XKR4: variants seen among roughly 807,000 people sequenced by gnomAD.
XKR4 encodes XK-related protein 4.
A neutral mutation model predicts 53.9 loss-of-function variants in XKR4; 12 were observed. The observed-to-expected ratio is 0.22, with a 90% CI of 0.14 to 0.36. The LOEUF is 0.36. XKR4 is among the 10% of genes least tolerant of loss of function. The probability of loss-of-function intolerance (pLI) is 1.00; values close to 1 mark genes in which losing one functional copy is unlikely to be tolerated. For missense variants in XKR4, 799 were observed against 859.5 expected (o/e 0.93, Z 0.88); for synonymous variants, 354 against 362.4 (o/e 0.98, Z 0.26).
intron 1 of XKR4, among the ~76,000 whole-genome samples, chr8:55,210,171 G>A (rs55832410): frequency 0.24 from 35,541 of 150,226 alleles, 4,630 homozygotes; most frequent in East Asian, 0.47. Context: ...TGTAACCTCC[G>A]CCTACTGGGT....
intron 1 of XKR4, among the ~76,000 whole-genome samples, chr8:55,256,695 T>A (rs1264312800): frequency 2.0e-5 from 3 of 152,044 alleles, no homozygotes; most frequent in Non-Finnish European, 4.4e-5. Flanking sequence ...ATGCTAAAGG[T>A]GGTGGAGCTG....
chr8:55,260,594 G>C (rs544345839), intron 1 of XKR4, among the ~76,000 whole-genome samples: 3 of 152,198 alleles, frequency 2.0e-5, no homozygotes, highest in African/African-American at 7.2e-5. Flanking sequence ...TTGTGAGAGA[G>C]AGGGGCCTGC....
chr8:55,282,635 G>T (rs1818858388), intron 1 of XKR4, among the ~76,000 whole-genome samples: 1 of 152,132 alleles, frequency 6.6e-6, no homozygotes, highest in South Asian at 2.1e-4. Context: ...ATTCATGAGG[G>T]ATCTGCCCCC....
intron 2 of XKR4, chr8:55,452,714 A>G: frequency 2.8e-6 from 3 of 1,085,528 alleles, no homozygotes; most frequent in Non-Finnish European, 4.3e-6. Context: ...AGTGGACCAC[A>G]GCCCCAGCTA....
chr8:55,480,340 A>C (rs1281009456), intron 2 of XKR4, among the ~76,000 whole-genome samples: 1 of 152,254 alleles, frequency 6.6e-6, no homozygotes, highest in Non-Finnish European at 1.5e-5. Context: ...CGCCTTTGAC[A>C]AAATTCAATA....
At position 55,486,933 on chromosome 8, in the gene XKR4, A is replaced by G. The variant is rs922340268; in HGVS notation, c.1007-36348A>G. ...GAAGGAATGAAATTCAGTTTCCCCA[A>G]TACCAAATTTGTACTAGTCAGGGTT... On this transcript the variant is annotated intron_variant, in intron 2 of 2. Transcript: ENST00000327381. Among the ~76,000 whole-genome samples the G allele has an allele frequency of 2.6e-5, 4 of 152,236 alleles. No individual in the cohort carries two copies. In the East Asian group the frequency reaches 5.8e-4, roughly 22 times the overall value.
At chr8:55,396,703 G>T (rs569009731) in intron 2 of XKR4, among the ~76,000 whole-genome samples, 1 of 152,282 alleles carries the variant, frequency 6.6e-6, no homozygotes, top group African/African-American at 2.4e-5. Context: ...TTTCTTCAAA[G>T]GAGAATGGAT....
chr8:55,278,752 A>G (rs1161696825), intron 1 of XKR4, among the ~76,000 whole-genome samples: 2 of 152,206 alleles, frequency 1.3e-5, no homozygotes, highest in Non-Finnish European at 2.9e-5. Flanking sequence ...TCTAGAGGCA[A>G]TAGCCAAAAT....
intron 1 of XKR4, among the ~76,000 whole-genome samples, chr8:55,297,333 A>C (rs1202861581): frequency 6.6e-6 from 1 of 152,240 alleles, no homozygotes; most frequent in Non-Finnish European, 1.5e-5. Context: ...CGATCAAATT[A>C]GAAAGTGCAT....
chr8:55,421,322 C>T (rs1166592270), intron 2 of XKR4, among the ~76,000 whole-genome samples: 1 of 152,178 alleles, frequency 6.6e-6, no homozygotes, highest in Non-Finnish European at 1.5e-5. Flanking sequence ...AAGATGAAAA[C>T]TTATCTTTGA....
chr8:55,205,191 T>A (rs1817628506), intron 1 of XKR4, among the ~76,000 whole-genome samples: 1 of 152,252 alleles, frequency 6.6e-6, no homozygotes, highest in Non-Finnish European at 1.5e-5. Context: ...AGGAGATGGT[T>A]ATTAGGCCAG....
chr8:55,208,931 T>G (rs1253064889), intron 1 of XKR4, among the ~76,000 whole-genome samples: 14 of 152,168 alleles, frequency 9.2e-5, no homozygotes, highest in African/African-American at 3.4e-4. Context: ...TGGACACATA[T>G]CAAAGGTTGT....
intron 1 of XKR4, among the ~76,000 whole-genome samples, chr8:55,148,199 C>A (rs890090686): frequency 6.6e-6 from 1 of 152,072 alleles, no homozygotes; most frequent in East Asian, 1.9e-4. Flanking sequence ...TTAAAAATTA[C>A]CATAGCTCCA....
chr8:55,302,904 G>A (rs1224896417), intron 1 of XKR4, among the ~76,000 whole-genome samples: 3 of 152,122 alleles, frequency 2.0e-5, no homozygotes, highest in African/African-American at 4.8e-5. Context: ...GGGCTGAGAT[G>A]ATGGGATTTT....
chr8:55,306,993 A>T (rs1819310615), intron 1 of XKR4, among the ~76,000 whole-genome samples: 1 of 152,132 alleles, frequency 6.6e-6, no homozygotes, highest in Admixed American at 6.5e-5. Context: ...AAATTAGATC[A>T]ATACAGATCA....
chr8:55,316,925 T>A (rs1194405219), intron 1 of XKR4, among the ~76,000 whole-genome samples: 1 of 152,180 alleles, frequency 6.6e-6, no homozygotes, highest in Non-Finnish European at 1.5e-5. Flanking sequence ...CTTAAGGGAA[T>A]AACAGAAGTA....
At chr8:55,242,489 A>G (rs13438934) in intron 1 of XKR4, among the ~76,000 whole-genome samples, 52,787 of 152,114 alleles carry the variant, frequency 0.35, 10,470 homozygotes, top group Middle Eastern at 0.47. Context: ...GCAAGAAGGA[A>G]GCATAGACAA....
chr8:55,115,119 C>A (rs1816288242), intron 1 of XKR4, among the ~76,000 whole-genome samples: 1 of 152,134 alleles, frequency 6.6e-6, no homozygotes, highest in African/African-American at 2.4e-5. Flanking sequence ...CAAATTGCCA[C>A]CAGCATTGTA....
intron 2 of XKR4, among the ~76,000 whole-genome samples, chr8:55,518,201 C>T (rs1268908204): frequency 6.6e-6 from 1 of 152,168 alleles, no homozygotes; most frequent in Non-Finnish European, 1.5e-5. Flanking sequence ...ACCCAGACCA[C>T]AAACAACACA....
Sources: allele counts gnomAD v4.1 joint callset (sites outside exome capture counted in the v4.1 genomes callset), GRCh38; gene constraint gnomAD v4.1.1; transcripts MANE v1.5; gene names NCBI Gene and HGNC (gene_info 2026-07-23, HGNC 2026-07-21).